Variants in KIRREL3 observed in about 807,000 individuals in gnomAD.
KIRREL3 encodes kin of IRRE-like protein 3.
Under a neutral mutation model 89.7 loss-of-function variants are expected in KIRREL3, and 36 were observed. The observed-to-expected ratio is 0.40, with a 90% CI of 0.31 to 0.53. KIRREL3 has a LOEUF of 0.53. KIRREL3 is among the 20% of genes least tolerant of loss of function. KIRREL3 has a pLI of 0.49. For missense variants in KIRREL3, 864 were observed against 1,056.6 expected (o/e 0.82, Z 2.53); for synonymous variants, 445 against 441.4 (o/e 1.01, Z -0.10).
rs965017022 is a variant in KIRREL3 at position 126,535,475 on chromosome 11, C to A, written c.134-8788G>T. ...TTGCCCCTCAATCCCTAATTATTTC[C>A]TGAGGGGGAAGAGTCATTTTGCCAT... On this transcript the variant is annotated intron_variant, in intron 2 of 16. Coordinates refer to ENST00000525144, the MANE Select transcript of KIRREL3 (RefSeq NM_032531.4). The surrounding 1 kb of genome is among the most constrained non-coding windows in gnomAD (Gnocchi z 4.5). 6.6e-6 allele frequency among the ~76,000 whole-genome samples: 1 copy of A among 152,236 alleles called. No homozygotes were observed. The highest frequency in any genetic ancestry group is 1.5e-5 in the Non-Finnish European group (1 of 68,018).
chr11:126,512,333 C>T (rs1565512710), intron 4 of KIRREL3, among the ~76,000 whole-genome samples: 1 of 152,234 alleles, frequency 6.6e-6, no homozygotes, highest in Non-Finnish European at 1.5e-5. Context: ...CGCATTTGTC[C>T]TTGAGGCGAA....
rs1565664629 is a variant in KIRREL3, at chr11:126,705,750, C to G, written c.56-142838G>C. On this transcript the variant is annotated intron_variant, in intron 1 of 16. Coordinates refer to ENST00000525144, the MANE Select transcript of KIRREL3 (RefSeq NM_032531.4). The surrounding 1 kb of genome is among the most constrained non-coding windows in gnomAD (Gnocchi z 4.3). ...GGTAAATTACAGATGGCTACAAACA[C>G]TTAGCCACTCCTCCCAGAAAGAGGT... is the stretch of plus-strand genomic sequence containing the variant. 6.6e-6 allele frequency among the ~76,000 whole-genome samples: 1 copy of G among 152,194 alleles called. No homozygotes were observed. The highest frequency in any genetic ancestry group is 2.4e-5 in the African/African-American group (1 of 41,440).
intron 4 of KIRREL3, among the ~76,000 whole-genome samples, chr11:126,512,841 G>A (rs956024009): frequency 6.6e-6 from 1 of 152,152 alleles, no homozygotes; most frequent in Non-Finnish European, 1.5e-5. Context: ...CAAACCATGA[G>A]CAAATGAGAG....
Position 126,521,983 on chromosome 11 carries a change from G to T in KIRREL3, c.284-519C>A, listed in dbSNP as rs934059688. Among the ~76,000 whole-genome samples, 1 of 152,020 alleles carries T rather than the reference G, an allele frequency of 6.6e-6. No individual in the cohort carries two copies. The highest frequency in any genetic ancestry group is 1.5e-5 in the Non-Finnish European group (1 of 68,012). On this transcript the variant is annotated intron_variant, in intron 3 of 16. Transcript: ENST00000525144. This position sits in a 1 kb window ranked among gnomAD's most constrained non-coding sequence, Gnocchi z 4.1. ...GGTCTTGAACTCCTGGACTTAGGCG[G>T]TTCTCCCTCCTCAACCTCCCAAAGT...
At chr11:126,449,203 C>A in intron 7 of KIRREL3, 46 bp from the exon 8 acceptor site, 1 of 1,604,802 alleles carries the variant, frequency 6.2e-7, no homozygotes, top group Non-Finnish European at 8.5e-7. Flanking sequence ...GTGGCAAGGC[C>A]AACCCTCCGG....
Position 126,641,295 on chromosome 11 carries a change from T to G in KIRREL3, c.56-78383A>C, listed in dbSNP as rs1277780460. 1.3e-5 allele frequency among the ~76,000 whole-genome samples: 2 copies of G among 152,054 alleles called. No homozygotes were observed. The highest frequency in any genetic ancestry group is 2.9e-5 in the Non-Finnish European group (2 of 68,018). ...TGCTACTTTCTTGGCCCGAGCCTCA[T>G]CACTTGTTGCTCAGATGGTTGTTAC... On this transcript the variant is annotated intron_variant, in intron 1 of 16. Coordinates refer to ENST00000525144, the MANE Select transcript of KIRREL3 (RefSeq NM_032531.4). The surrounding 1 kb of genome is among the most constrained non-coding windows in gnomAD (Gnocchi z 5.0).
In KIRREL3 at chr11:126,677,624, C is replaced by T. The variant is rs12291640; in HGVS notation, c.56-114712G>A. Among the ~76,000 whole-genome samples the T allele has an allele frequency of 1.3e-5, 2 of 152,144 alleles. No individual in the cohort carries two copies. The highest frequency in any genetic ancestry group is 4.8e-5 in the African/African-American group (2 of 41,436). ...TCTGGCTGCATTCGCTGAGCTGTCG[C>T]TGTGCTAGGTGCTGAAGCAGGGCTG... On this transcript the variant is annotated intron_variant, in intron 1 of 16. Coordinates refer to ENST00000525144, the MANE Select transcript of KIRREL3 (RefSeq NM_032531.4). This position sits in a 1 kb window ranked among gnomAD's most constrained non-coding sequence, Gnocchi z 5.1.
intron 1 of KIRREL3, among the ~76,000 whole-genome samples, chr11:126,728,002 A>C (rs1157116951): frequency 6.6e-6 from 1 of 152,028 alleles, no homozygotes; most frequent in East Asian, 1.9e-4. Flanking sequence ...CCCCACACCC[A>C]GCAGCTCTGA....
In KIRREL3 at chr11:126,689,158, A is replaced by G. The variant is rs1179573186; in HGVS notation, c.56-126246T>C. Among the ~76,000 whole-genome samples, 1 of 152,138 alleles carries G rather than the reference A, an allele frequency of 6.6e-6. No individual in the cohort carries two copies. Reference sequence around the variant, plus strand: ...AACTGGCCCACTGTGATCTTGCAGGAAACATCAACAGTCTGAGAATTGTTG... The same window carrying G: ...AACTGGCCCACTGTGATCTTGCAGGGAACATCAACAGTCTGAGAATTGTTG... On this transcript the variant is annotated intron_variant, in intron 1 of 16. Coordinates refer to ENST00000525144, the MANE Select transcript of KIRREL3 (RefSeq NM_032531.4). The surrounding 1 kb of genome is among the most constrained non-coding windows in gnomAD (Gnocchi z 5.2).
Position 126,995,452 on chromosome 11 carries a change from C to T in KIRREL3, c.55+5003G>A. The T allele has an allele frequency of 2.5e-6, 1 of 393,712 alleles. No homozygotes were observed. Among genetic ancestry groups the T allele is most frequent in the East Asian group, 7.2e-5 (1 of 13,910 alleles). 24.4% of individuals were successfully genotyped at this position (393,712 alleles called of 1,614,324 possible). ...ATGGACCCCAATAAAAAAACGCCTG[C>T]ACTGTTTTTCACCTAAGGTCATCTC... On this transcript the variant is annotated intron_variant, in intron 1 of 16. Coordinates refer to ENST00000525144, the MANE Select transcript of KIRREL3 (RefSeq NM_032531.4). The surrounding 1 kb of genome is among the most constrained non-coding windows in gnomAD (Gnocchi z 6.5).
At position 126,550,331 on chromosome 11, in the gene KIRREL3, C is replaced by T. The variant is rs554723069; in HGVS notation, c.133+12504G>A. The T allele has an allele frequency of 6.6e-6, 1 of 152,200 alleles. No individual in the cohort carries two copies. Among genetic ancestry groups the T allele is most frequent in the Non-Finnish European group, 1.5e-5 (1 of 68,068 alleles). The allele number at this position is 152,200 out of a possible 1,614,324, so 9.4% of individuals were successfully genotyped here. On this transcript the variant is annotated intron_variant, in intron 2 of 16. Transcript: ENST00000525144. The surrounding 1 kb of genome is among the most constrained non-coding windows in gnomAD (Gnocchi z 4.9). ...CCCTGACTACACCCGGGATTTGAATCTAGATTTCTCCTACTCCTAAGCCAC... is the reference window on the plus strand; with the variant it reads ...CCCTGACTACACCCGGGATTTGAATTTAGATTTCTCCTACTCCTAAGCCAC...
intron 1 of KIRREL3, among the ~76,000 whole-genome samples, chr11:126,960,799 T>C (rs1949063208): frequency 6.6e-6 from 1 of 152,194 alleles, no homozygotes. Context: ...TTCGCAGACA[T>C]TGCATTTTTT....
At chr11:126,556,556 T>C (rs1939721707) in intron 2 of KIRREL3, among the ~76,000 whole-genome samples, 1 of 152,062 alleles carries the variant, frequency 6.6e-6, no homozygotes, top group South Asian at 2.1e-4. Flanking sequence ...TAGGATTGCT[T>C]GAGCTTAGGA....
At chr11:126,894,066 T>C (rs558674198) in intron 1 of KIRREL3, among the ~76,000 whole-genome samples, 31 of 152,280 alleles carry the variant, frequency 2.0e-4, no homozygotes, top group Admixed American at 1.7e-3. Flanking sequence ...CATGACAAAA[T>C]ACATTTCCAC....
In KIRREL3 at chr11:126,639,294, A is replaced by G. The variant is rs550274049; in HGVS notation, c.56-76382T>C. ...ATTGACTGAATCAGGCCTGTCTCCA[A>G]TGAAGATCTAGGCAGCTATTTGTAT... On this transcript the variant is annotated intron_variant, in intron 1 of 16. Coordinates refer to ENST00000525144, the MANE Select transcript of KIRREL3 (RefSeq NM_032531.4). This position sits in a 1 kb window ranked among gnomAD's most constrained non-coding sequence, Gnocchi z 4.3. Among the ~76,000 whole-genome samples, 282 of 152,340 alleles carry G rather than the reference A, an allele frequency of 1.9e-3. No individual in the cohort carries two copies. Among genetic ancestry groups the G allele is most frequent in the Non-Finnish European group, 2.2e-3 (150 of 68,022 alleles).
rs1445599167 is a variant in KIRREL3 at position 126,729,284 on chromosome 11, C to A, written c.56-166372G>T. ...AGAAACAAGCACGCTGGCTTAACAA[C>A]AAATCTAATTCTTTTAGGGAAAAGA... is the stretch of plus-strand genomic sequence containing the variant. On this transcript the variant is annotated intron_variant, in intron 1 of 16. Coordinates refer to ENST00000525144, the MANE Select transcript of KIRREL3 (RefSeq NM_032531.4). This position sits in a 1 kb window ranked among gnomAD's most constrained non-coding sequence, Gnocchi z 4.5. 6.6e-6 allele frequency among the ~76,000 whole-genome samples: 1 copy of A among 152,118 alleles called. No individual in the cohort carries two copies. Among genetic ancestry groups the A allele is most frequent in the Non-Finnish European group, 1.5e-5 (1 of 68,024 alleles).
intron 1 of KIRREL3, among the ~76,000 whole-genome samples, chr11:126,745,693 C>G (rs780052543): frequency 6.6e-6 from 1 of 152,206 alleles, no homozygotes; most frequent in East Asian, 1.9e-4. Flanking sequence ...CTGAGCTTCA[C>G]CCCCTTGGTG....
At position 126,525,183 on chromosome 11, in the gene KIRREL3, C is replaced by T. The variant is rs1383900323; in HGVS notation, c.283+1355G>A. 6.6e-6 allele frequency among the ~76,000 whole-genome samples: 1 copy of T among 152,160 alleles called. No individual in the cohort carries two copies. The highest frequency in any genetic ancestry group is 2.4e-5 in the African/African-American group (1 of 41,430). On this transcript the variant is annotated intron_variant, in intron 3 of 16. Coordinates refer to ENST00000525144, the MANE Select transcript of KIRREL3 (RefSeq NM_032531.4). This position sits in a 1 kb window ranked among gnomAD's most constrained non-coding sequence, Gnocchi z 5.4. The stretch of plus-strand genomic sequence containing the variant: ...AGCCTCCTTTTGGCCACTGACCCAG[C>T]AAGACCCCAGTCCCTGACGGAAGTT...
intron 1 of KIRREL3, among the ~76,000 whole-genome samples, chr11:126,986,222 A>G (rs1358612745): frequency 6.6e-6 from 1 of 151,854 alleles, no homozygotes. Context: ...AGTTGGGTTG[A>G]AAAAAGAGGC....
Sources: gnomAD v4.1 joint callset for allele counts (sites outside exome capture counted in the v4.1 genomes callset) on GRCh38, gnomAD v4.1.1 for gene constraint, Gnocchi (gnomAD v3.1) non-coding constraint, MANE v1.5 for transcripts, NCBI Gene and HGNC (gene_info 2026-07-23, HGNC 2026-07-21) for gene names.